SLC27A6: variants seen among roughly 807,000 people sequenced by gnomAD.
The protein encoded by SLC27A6 is long-chain fatty acid transport protein 6.
In SLC27A6, 74 loss-of-function variants were observed where a neutral mutation model predicts 63.9. The observed-to-expected ratio is 1.16, with a 90% CI of 0.96 to 1.40. The LOEUF (loss-of-function observed/expected upper bound fraction) is 1.40, where lower values mean the gene tolerates loss of function less well. Ranked by LOEUF, SLC27A6 falls within the 40% of genes most tolerant of loss-of-function variation. SLC27A6 has a pLI of 0.00. For synonymous variants in SLC27A6, 287 were observed against 260.8 expected (o/e 1.10, Z -0.97); for missense variants, 794 against 732.9 (o/e 1.08, Z -0.96).
intron 1 of SLC27A6, among the ~76,000 whole-genome samples, chr5:128,981,631 A>G (rs73242040): frequency 0.016 from 2,481 of 152,284 alleles, 57 homozygotes; most frequent in African/African-American, 0.056. Flanking sequence ...ATGGAGGAGA[A>G]CACACATCAT....
chr5:128,966,320 G>A lies in SLC27A6; in HGVS notation c.183G>A (p.Leu61=), dbSNP rs755646407. 2 of 1,614,140 alleles carry A rather than the reference G, an allele frequency of 1.2e-6. No individual in the cohort carries two copies. Among genetic ancestry groups the A allele is most frequent in the Non-Finnish European group, 1.7e-6 (2 of 1,180,016 alleles). ...GELVTVLDKF[L]SHAKRQPRKP... ...TGGTGACTGTGCTGGATAAATTCTT[G>A]AGTCATGCCAAAAGACAACCTCGGA... The change falls in exon 1 of 10, where the codon TTG becomes TTA. Residue 61 remains leucine (L), a synonymous_variant. Transcript: ENST00000262462.
chr5:129,031,086 G>GA (rs887810672), intron 9 of SLC27A6, among the ~76,000 whole-genome samples: 3 of 151,808 alleles, frequency 2.0e-5, no homozygotes, highest in Non-Finnish European at 4.4e-5. Flanking sequence ...TCATTAAATA[G>GA]AAAAAATGTT....
Position 129,000,210 on chromosome 5 carries a change from GTCT to G in SLC27A6, c.969+9751_969+9753del, listed in dbSNP as rs1460240577. Among the ~76,000 whole-genome samples, 4 of 152,112 alleles carry G rather than the reference GTCT, an allele frequency of 2.6e-5. 1 individual carries two copies. The highest frequency in any genetic ancestry group is 2.6e-4 in the Admixed American group (4 of 15,270). On this transcript the variant is annotated intron_variant, in intron 4 of 9. Coordinates refer to ENST00000262462, the MANE Select transcript of SLC27A6 (RefSeq NM_001017372.3). ...TGAGGTCTGTCTTCTTCATGAAAGT[GTCT>G]TCTTTCACTGCTTTATGTTTCTTCC... is the stretch of plus-strand genomic sequence containing the variant.
chr5:129,032,136 G>T (rs951999504), intron 9 of SLC27A6, among the ~76,000 whole-genome samples: 45 of 151,984 alleles, frequency 3.0e-4, no homozygotes, highest in African/African-American at 1.1e-3. Context: ...CTAGACTCAT[G>T]GCATCTTTAA....
intron 5 of SLC27A6, 50 bp downstream of exon 5, chr5:129,016,129 A>C: frequency 8.3e-5 from 112 of 1,354,710 alleles, no homozygotes; most frequent in Non-Finnish European, 1.0e-4. Context: ...GCGGTGGCTC[A>C]TACCTGTAAT....
At chr5:128,992,994 C>T (rs147767131) in intron 4 of SLC27A6, among the ~76,000 whole-genome samples, 10 of 152,124 alleles carry the variant, frequency 6.6e-5, no homozygotes, top group African/African-American at 2.4e-4. Context: ...CTAAAATTTA[C>T]CAACTTAATG....
chr5:128,969,938 A>G (rs536711794), intron 1 of SLC27A6, among the ~76,000 whole-genome samples: 13 of 152,256 alleles, frequency 8.5e-5, no homozygotes, highest in South Asian at 2.1e-4. Context: ...GATACATCCC[A>G]TCAATACCTA....
chr5:129,004,268 T>G (rs1267090994), intron 4 of SLC27A6, among the ~76,000 whole-genome samples: 1 of 152,210 alleles, frequency 6.6e-6, no homozygotes, highest in Non-Finnish European at 1.5e-5. Flanking sequence ...AGTTTGACTC[T>G]GTCTTTTTTT....
intron 4 of SLC27A6, among the ~76,000 whole-genome samples, chr5:128,996,807 T>A (rs1283027689): frequency 6.6e-6 from 1 of 152,154 alleles, no homozygotes; most frequent in East Asian, 1.9e-4. Context: ...AGAATAAAAT[T>A]CCAATAAGGA....
chr5:128,969,542 T>C (rs1023206719), intron 1 of SLC27A6, among the ~76,000 whole-genome samples: 1 of 152,172 alleles, frequency 6.6e-6, no homozygotes, highest in Admixed American at 6.6e-5. Context: ...GAATGGGAGA[T>C]CACTCATGAT....
At chr5:128,980,597 C>T (rs764950939) in intron 1 of SLC27A6, among the ~76,000 whole-genome samples, 4 of 152,130 alleles carry the variant, frequency 2.6e-5, no homozygotes, top group Non-Finnish European at 5.9e-5. Context: ...CAGAGCTACC[C>T]GTGCATTATG....
chr5:129,001,713 T>C (rs1751341312), intron 4 of SLC27A6, among the ~76,000 whole-genome samples: 1 of 152,218 alleles, frequency 6.6e-6, no homozygotes, highest in Non-Finnish European at 1.5e-5. Flanking sequence ...TCATGAAAAA[T>C]TAAGGTTGAT....
At chr5:129,032,655 A>AAGC (rs1175027401) in intron 9 of SLC27A6, among the ~76,000 whole-genome samples, 1 of 152,010 alleles carries the variant, frequency 6.6e-6, no homozygotes, top group Admixed American at 6.6e-5. Context: ...GGGTATATTT[A>AAGC]AGCCATGTTT....
chr5:128,969,853 G>A (rs1164819082), intron 1 of SLC27A6, among the ~76,000 whole-genome samples: 1 of 152,124 alleles, frequency 6.6e-6, no homozygotes, highest in Non-Finnish European at 1.5e-5. Flanking sequence ...GTTTTCAAAG[G>A]GAATGCTTCC....
intron 9 of SLC27A6, among the ~76,000 whole-genome samples, chr5:129,031,476 A>G (rs560287646): frequency 6.6e-6 from 1 of 152,120 alleles, no homozygotes; most frequent in African/African-American, 2.4e-5. Flanking sequence ...ATGGAACCAT[A>G]AATTGTTATA....
Position 129,029,619 on chromosome 5 carries a change from C to A in SLC27A6, c.1595C>A (p.Pro532Gln). 6.3e-7 allele frequency: 1 copy of A among 1,596,352 alleles called. No individual in the cohort carries two copies. Among genetic ancestry groups the A allele is most frequent in the Non-Finnish European group, 8.5e-7 (1 of 1,171,682 alleles). The part of the protein sequence containing the change: ...RAGMASIILK[P>Q]NTSLDLEKVY... ...GGAATGGCTTCTATTATTTTAAAACCAAATACATCTTTAGATTTGGAAAAA... is the reference window on the plus strand; with the variant it reads ...GGAATGGCTTCTATTATTTTAAAACAAAATACATCTTTAGATTTGGAAAAA... Residue 532 changes from proline (P) to glutamine (Q), a missense_variant, in exon 9 of 10, where the codon CCA becomes CAA. By Grantham distance (76) the Pro-to-Gln change is moderately conservative. Coordinates refer to ENST00000262462, the MANE Select transcript of SLC27A6 (RefSeq NM_001017372.3).
At chr5:129,027,369 T>G in intron 7 of SLC27A6, 38 bp downstream of exon 7, 2 of 1,474,320 alleles carry the variant, frequency 1.4e-6, no homozygotes, top group Non-Finnish European at 1.9e-6. Context: ...TGTTCTGTAA[T>G]TGTGAACCAT....
chr5:128,974,609 A>G (rs781443958), intron 1 of SLC27A6, among the ~76,000 whole-genome samples: 1 of 152,146 alleles, frequency 6.6e-6, no homozygotes, highest in Non-Finnish European at 1.5e-5. Flanking sequence ...TTCTCATTGG[A>G]TGTTTCTGAT....
intron 4 of SLC27A6, among the ~76,000 whole-genome samples, chr5:128,998,051 A>C (rs1751215399): frequency 6.6e-6 from 1 of 151,068 alleles, no homozygotes; most frequent in South Asian, 2.1e-4. Context: ...AAACCAAGGC[A>C]CGAGGATTGC....
Sources: gnomAD v4.1 joint callset for allele counts (sites outside exome capture counted in the v4.1 genomes callset) on GRCh38, gnomAD v4.1.1 for gene constraint, MANE v1.5 for transcripts, NCBI Gene and HGNC (gene_info 2026-07-23, HGNC 2026-07-21) for gene names.